NOTCH2: variants seen among roughly 807,000 people sequenced by gnomAD.
NOTCH2 encodes neurogenic locus notch homolog protein 2.
Under a neutral mutation model 235.8 loss-of-function variants are expected in NOTCH2, and 29 were observed. The observed-to-expected ratio is 0.12, with a 90% CI of 0.09 to 0.17. NOTCH2 has a LOEUF of 0.17. Among genes scored for constraint, NOTCH2 ranks in the 10% least tolerant of loss-of-function variants. NOTCH2 has a pLI of 1.00. For missense variants in NOTCH2, 2,285 were observed against 3,150.2 expected (o/e 0.73, Z 6.57); for synonymous variants, 1,086 against 1,141.5 (o/e 0.95, Z 0.98).
rs148447901 is a variant in NOTCH2 at position 119,911,965 on chromosome 1, A to T, written c.*3341T>A. 3.1e-4 allele frequency: 73 copies of T among 233,462 alleles called. No homozygotes were observed. Among genetic ancestry groups the T allele is most frequent in the Non-Finnish European group, 5.0e-4 (59 of 118,054 alleles). 14.5% of individuals were successfully genotyped at this position (233,462 alleles called of 1,614,324 possible). On this transcript the variant is annotated 3_prime_UTR_variant, in exon 34 of 34. Coordinates refer to ENST00000256646, the MANE Select transcript of NOTCH2 (RefSeq NM_024408.4). ...GCTTTGTGGGATTCAGAAAGAAAAG[A>T]AAATTTGCTCTCTCAGCAAATTATG...
At chr1:119,987,341 T>A (rs886997710) in intron 4 of NOTCH2, among the ~76,000 whole-genome samples, 3 of 152,116 alleles carry the variant, frequency 2.0e-5, no homozygotes, top group Admixed American at 2.0e-4. Context: ...AATGTTTTCA[T>A]GAAATAAAAT....
At chr1:119,971,970 T>A (rs183644208) in intron 5 of NOTCH2, among the ~76,000 whole-genome samples, 1 of 149,838 alleles carries the variant, frequency 6.7e-6, no homozygotes, top group Admixed American at 6.7e-5. Context: ...GTAATGAGGG[T>A]AATGAGGGAA....
intron 1 of NOTCH2, among the ~76,000 whole-genome samples, chr1:120,045,752 C>A (rs1654760475): frequency 6.6e-6 from 1 of 152,256 alleles, no homozygotes; most frequent in South Asian, 2.1e-4. Flanking sequence ...AATTATTTTG[C>A]AAAGGGATAT....
At chr1:119,979,145 T>A (rs1342239874) in intron 5 of NOTCH2, among the ~76,000 whole-genome samples, 1 of 152,180 alleles carries the variant, frequency 6.6e-6, no homozygotes, top group South Asian at 2.1e-4. Context: ...TATAAAGGAC[T>A]GACCTGACAA....
At chr1:120,054,548 G>T (rs1488046379) in intron 1 of NOTCH2, among the ~76,000 whole-genome samples, 2 of 151,122 alleles carry the variant, frequency 1.3e-5, no homozygotes, top group South Asian at 2.1e-4. Flanking sequence ...ATTTTACATG[G>T]TCTCTTACAT....
chr1:119,935,283 A>C (rs1420498405), intron 22 of NOTCH2, 189 bp downstream of exon 22: 2 of 1,523,204 alleles, frequency 1.3e-6, no homozygotes, highest in African/African-American at 2.8e-5. Flanking sequence ...TGACAACATA[A>C]ACCACAACAT....
chr1:120,030,150 C>A (rs587657821), intron 1 of NOTCH2, among the ~76,000 whole-genome samples, 163 bp from the exon 2 acceptor site: 1 of 152,092 alleles, frequency 6.6e-6, no homozygotes, highest in Non-Finnish European at 1.5e-5. Flanking sequence ...AGCACAGAAG[C>A]CCATCCCAAA....
intron 5 of NOTCH2, among the ~76,000 whole-genome samples, chr1:119,981,745 C>T (rs781790334): frequency 5.3e-5 from 8 of 152,202 alleles, no homozygotes; most frequent in East Asian, 1.9e-4. Flanking sequence ...GATAGGAAAC[C>T]GAATTTGGGG....
rs782284710 is a variant in NOTCH2 at position 119,965,582 on chromosome 1, T to C, written c.1568-16A>G. Reference sequence around the variant, plus strand: ...CCAGTGAAACCTCAAAAAGGGACAGTGGTAACATGAGTCAAAGGATTATCT... The same window carrying C: ...CCAGTGAAACCTCAAAAAGGGACAGCGGTAACATGAGTCAAAGGATTATCT... On this transcript the variant is annotated splice_polypyrimidine_tract_variant and intron_variant, in intron 9 of 33. Coordinates refer to ENST00000256646, the MANE Select transcript of NOTCH2 (RefSeq NM_024408.4). 6 of 1,514,530 alleles carry C rather than the reference T, an allele frequency of 4.0e-6. No individual in the cohort carries two copies. The highest frequency in any genetic ancestry group is 3.4e-5 in the South Asian group (3 of 89,114). 93.8% of individuals were successfully genotyped at this position (1,514,530 alleles called of 1,614,324 possible).
At chr1:120,014,713 G>T (rs1388559451) in intron 2 of NOTCH2, among the ~76,000 whole-genome samples, 2 of 113,168 alleles carry the variant, frequency 1.8e-5, no homozygotes, top group Admixed American at 2.1e-4. Context: ...CAATCTATCT[G>T]GCAATGGCTG....
At chr1:119,943,324 A>G (rs1553196685) in intron 17 of NOTCH2, among the ~76,000 whole-genome samples, 1 of 152,204 alleles carries the variant, frequency 6.6e-6, no homozygotes, top group Non-Finnish European at 1.5e-5. Flanking sequence ...ACATGTAATA[A>G]AACTATTAAG....
Position 119,941,639 on chromosome 1 carries a change from T to A in NOTCH2, c.2868A>T (p.Glu956Asp), listed in dbSNP as rs1184087054. The A allele has an allele frequency of 2.5e-6, 4 of 1,613,990 alleles. No homozygotes were observed. Among genetic ancestry groups the A allele is most frequent in the Non-Finnish European group, 3.4e-6 (4 of 1,180,006 alleles). ...CQTDMNECLS[E>D]PCKNGGTCSD... ...AGCAGGTCCCTCCATTCTTACAGGG[T>A]TCACTCAGACACTCATTCATGTCTG... The change falls in exon 18 of 34, where the codon GAA becomes GAT. Residue 956 changes from glutamate to aspartate, a missense_variant. This residue lies in a region of NOTCH2 where 1,173 missense variants were observed against 1,515.3 expected (regional missense o/e 0.77). Transcript: ENST00000256646.
intron 2 of NOTCH2, among the ~76,000 whole-genome samples, chr1:120,026,032 G>A (rs1367476034): frequency 7.1e-6 from 1 of 140,100 alleles, no homozygotes; most frequent in African/African-American, 3.0e-5. Flanking sequence ...CAATAATTGA[G>A]TTTTATGCAA....
chr1:119,928,944 C>T (rs2101168864), intron 23 of NOTCH2, 32 bp downstream of exon 23: 1 of 1,584,182 alleles, frequency 6.3e-7, no homozygotes, highest in South Asian at 1.1e-5. Flanking sequence ...TCCTCCAAGG[C>T]AGAGTGGCCA....
At chr1:119,984,747 C>T (rs971018207) in intron 5 of NOTCH2, among the ~76,000 whole-genome samples, 27 of 152,102 alleles carry the variant, frequency 1.8e-4, no homozygotes, top group Admixed American at 3.9e-4. Flanking sequence ...ATAGTCCAAC[C>T]GCCCCCATAA....
intron 5 of NOTCH2, among the ~76,000 whole-genome samples, chr1:119,975,291 C>T (rs1166523579): frequency 1.3e-5 from 2 of 152,144 alleles, no homozygotes; most frequent in African/African-American, 2.4e-5. Flanking sequence ...GGAGTAGGGT[C>T]ACCTCCATGC....
At chr1:120,035,248 T>TCAGTTCTTAC (rs1485475084) in intron 1 of NOTCH2, among the ~76,000 whole-genome samples, 1 of 151,300 alleles carries the variant, frequency 6.6e-6, no homozygotes. Context: ...ACAAGGGCTG[T>TCAGTTCTTAC]CAGTTCTTAC....
At chr1:119,952,092 G>T (rs928802430) in intron 14 of NOTCH2, among the ~76,000 whole-genome samples, 1 of 152,146 alleles carries the variant, frequency 6.6e-6, no homozygotes, top group Non-Finnish European at 1.5e-5. Flanking sequence ...TGAATAAATA[G>T]ACAGATGAGT....
At position 119,949,067 on chromosome 1, in the gene NOTCH2, C is replaced by T; in HGVS notation, c.2539G>A (p.Val847Ile). The change falls in exon 16 of 34, where the codon GTT (valine) becomes ATT (isoleucine). Residue 847 changes from valine to isoleucine, a missense_variant. Physicochemically the swap from Val to Ile is conservative, Grantham distance 29. This residue lies in a region of NOTCH2 where 1,173 missense variants were observed against 1,515.3 expected (regional missense o/e 0.77). Coordinates refer to ENST00000256646, the MANE Select transcript of NOTCH2 (RefSeq NM_024408.4). The part of the protein sequence containing the change: ...CSPNPCENAA[V>I]CKESPNFESY... ...TCAAAATTTGGTGACTCTTTGCAAA[C>T]AGCAGCATTCTCACAAGGGTTTGGG... The T allele has an allele frequency of 6.2e-7, 1 of 1,614,222 alleles. No homozygotes were observed. Among genetic ancestry groups the T allele is most frequent in the Non-Finnish European group, 8.5e-7 (1 of 1,180,036 alleles).
Sources: allele counts gnomAD v4.1 joint callset (sites outside exome capture counted in the v4.1 genomes callset), GRCh38; gene constraint gnomAD v4.1.1; regional missense constraint gnomAD v4.1.1; transcripts MANE v1.5; gene names NCBI Gene and HGNC (gene_info 2026-07-23, HGNC 2026-07-21).